IQSEC3: variants seen among roughly 807,000 people sequenced by gnomAD.
IQSEC3 encodes the protein IQ motif and Sec7 domain ArfGEF 3.
Under a neutral mutation model 105.4 loss-of-function variants are expected in IQSEC3, and 50 were observed. The observed-to-expected ratio is 0.47, with a 90% confidence interval of 0.38 to 0.60. The LOEUF (loss-of-function observed/expected upper bound fraction) is 0.60. Among genes scored for constraint, IQSEC3 ranks in the 20% least tolerant of loss-of-function variants. The probability of loss-of-function intolerance (pLI) is 0.00; values close to 1 mark genes in which losing one functional copy is unlikely to be tolerated. For synonymous variants in IQSEC3, 708 were observed against 746.0 expected (o/e 0.95, Z 0.83); for missense variants, 1,415 against 1,630.0 (o/e 0.87, Z 2.27).
chr12:156,450 G>T (rs1400644338), intron 5 of IQSEC3, among the ~76,000 whole-genome samples: 4 of 152,026 alleles, frequency 2.6e-5, no homozygotes, highest in African/African-American at 9.7e-5. Flanking sequence ...TCCCCTGAGG[G>T]CTGGGGCAGC....
chr12:119,811 T>C (rs1555081515), intron 2 of IQSEC3, among the ~76,000 whole-genome samples: 2 of 152,180 alleles, frequency 1.3e-5, no homozygotes, highest in Non-Finnish European at 2.9e-5. Context: ...AGGATGTGAC[T>C]TTGGGCCAGG....
At position 78,514 on chromosome 12, in the gene IQSEC3, A is replaced by AAT. The variant is rs1555069973; in HGVS notation, c.554+11079_554+11080insTA. The stretch of plus-strand genomic sequence containing the variant: ...ACCCAAGACACCTCAGCAAAAAAAA[A>AAT]AAATAAATTTAAAACTCCCAGCCTT... On this transcript the variant is annotated intron_variant, in intron 1 of 13. Coordinates refer to ENST00000538872, the MANE Select transcript of IQSEC3 (RefSeq NM_001170738.2). Among the ~76,000 whole-genome samples the AAT allele has an allele frequency of 7.2e-5, 11 of 151,760 alleles. 1 individual carries two copies. Among genetic ancestry groups the AAT allele is most frequent in the African/African-American group, 1.9e-4 (8 of 41,200 alleles).
chr12:157,492 G>GGGCCCCCC, intron 6 of IQSEC3, 36 bp from the exon 7 acceptor site: 1 of 1,389,412 alleles, frequency 7.2e-7, no homozygotes, highest in Non-Finnish European at 9.8e-7. Context: ...GGTGGGCGGG[G>GGGCCCCCC]GCTCAGCGTC....
At chr12:80,720 G>A (rs1049420212) in intron 1 of IQSEC3, among the ~76,000 whole-genome samples, 58 of 152,274 alleles carry the variant, frequency 3.8e-4, no homozygotes, top group African/African-American at 1.3e-3. Flanking sequence ...AACTTATAGT[G>A]CATCTGATGG....
At position 166,649 on chromosome 12, in the gene IQSEC3, GA is replaced by G. The variant is rs1427841403; in HGVS notation, c.2971+763del. ...AAGAACAGATTCAGAAACTGAAACA[GA>G]AAATGAAAATAGGCTTCAGGCCTGC... is the stretch of plus-strand genomic sequence containing the variant. On this transcript the variant is annotated intron_variant, in intron 11 of 13. Coordinates refer to ENST00000538872, the MANE Select transcript of IQSEC3 (RefSeq NM_001170738.2). Among the ~76,000 whole-genome samples, 3 of 152,326 alleles carry G rather than the reference GA, an allele frequency of 2.0e-5. No homozygotes were observed. In the East Asian group the frequency reaches 5.8e-4, roughly 29 times the overall value.
rs186224213 is a variant in IQSEC3 at position 139,173 on chromosome 12, A to G, written c.1810A>G (p.Thr604Ala). The G allele has an allele frequency of 6.8e-5, 108 of 1,581,228 alleles. No homozygotes were observed. The highest frequency in any genetic ancestry group is 9.0e-5 in the Non-Finnish European group (105 of 1,165,598). Residue 604 changes from threonine (T) to alanine (A), a missense_variant, in exon 4 of 14, where the codon ACC (threonine) becomes GCC (alanine). Physicochemically the swap from Thr to Ala is moderately conservative, Grantham distance 58. Around this residue, in one of 6 missense-constraint regions of IQSEC3, gnomAD observed 720 missense variants for 633.0 expected, o/e 1.14. Transcript: ENST00000538872. ...LEQLSSSSTSTKSAKSGSEAS... is the reference protein window; with the variant it reads ...LEQLSSSSTSAKSAKSGSEAS... ...GCAGCTGAGCAGCAGCAGCACGTCC[A>G]CCAAGTCCGCCAAGTCAGGCTCGGA...
At chr12:150,865 T>G (rs1346723927) in intron 5 of IQSEC3, among the ~76,000 whole-genome samples, 2 of 152,052 alleles carry the variant, frequency 1.3e-5, no homozygotes, top group Admixed American at 1.3e-4. Context: ...ACTTGGGTGC[T>G]CCTGAGGATG....
chr12:155,875 T>C (rs1866667534), intron 5 of IQSEC3, among the ~76,000 whole-genome samples: 1 of 151,848 alleles, frequency 6.6e-6, no homozygotes, highest in African/African-American at 2.4e-5. Flanking sequence ...GGTGAGTGGG[T>C]GTAGAGTGGG....
rs781844510 is a variant in IQSEC3 at position 67,322 on chromosome 12, C to T, written c.440C>T (p.Ala147Val). The T allele has an allele frequency of 1.3e-5, 20 of 1,598,300 alleles. No homozygotes were observed. In the African/African-American group the frequency reaches 2.7e-4, roughly 21 times the overall value. ...SPHKHLGTQG[A>V]VTDKEKERPP... ...CACAAGCATCTGGGGACACAAGGGG[C>T]CGTGACTGACAAGGAGAAGGAGCGT... The change falls in exon 1 of 14, where the codon GCC becomes GTC. Residue 147 changes from alanine (A) to valine (V), a missense_variant. By Grantham distance (64) the Ala-to-Val change is moderately conservative (BLOSUM62 0). Coordinates refer to ENST00000538872, the MANE Select transcript of IQSEC3 (RefSeq NM_001170738.2).
Position 165,825 on chromosome 12 carries a change from A to C in IQSEC3, c.2906A>C (p.Lys969Thr). Residue 969 changes from lysine (K) to threonine (T), a missense_variant, in exon 11 of 14, where the codon AAG becomes ACG. Coordinates refer to ENST00000538872, the MANE Select transcript of IQSEC3 (RefSeq NM_001170738.2). ...FCALGSDEMQ[K>T]FVEDLKESIA... Reference sequence around the variant, plus strand: ...GCCCTGGGCTCGGACGAGATGCAGAAGTTCGTGGAGGACCTGAAGGAGTCC... The same window carrying C: ...GCCCTGGGCTCGGACGAGATGCAGACGTTCGTGGAGGACCTGAAGGAGTCC... 1 of 1,614,098 alleles carries C rather than the reference A, an allele frequency of 6.2e-7. No individual in the cohort carries two copies. The highest frequency in any genetic ancestry group is 1.1e-5 in the South Asian group (1 of 91,084).
rs375782510 is a variant in IQSEC3, at chr12:99,105, C to G, written c.555-41C>G. The G allele has an allele frequency of 2.5e-6, 4 of 1,569,978 alleles. No individual in the cohort carries two copies. In the African/African-American group the frequency reaches 5.4e-5, roughly 21 times the overall value. Reference sequence around the variant, plus strand: ...AGTGTCAGGCAGGGCGGGGACCCAGCCTGCCTCAGGCGCTCTGATCTCCCT... The same window carrying G: ...AGTGTCAGGCAGGGCGGGGACCCAGGCTGCCTCAGGCGCTCTGATCTCCCT... On this transcript the variant is annotated intron_variant, in intron 1 of 13. Coordinates refer to ENST00000538872, the MANE Select transcript of IQSEC3 (RefSeq NM_001170738.2).
At chr12:123,219 A>G (rs1555082279) in intron 2 of IQSEC3, among the ~76,000 whole-genome samples, 2 of 152,200 alleles carry the variant, frequency 1.3e-5, no homozygotes, top group African/African-American at 2.4e-5. Context: ...AGACTGGGCA[A>G]CATAGTGGGA....
At chr12:149,455 G>C (rs1866417335) in intron 5 of IQSEC3, among the ~76,000 whole-genome samples, 1 of 152,148 alleles carries the variant, frequency 6.6e-6, no homozygotes, top group South Asian at 2.1e-4. Flanking sequence ...GAGTAATCCT[G>C]GGCCGTTGGG....
At chr12:154,223 G>T (rs1866606137) in intron 5 of IQSEC3, among the ~76,000 whole-genome samples, 1 of 152,246 alleles carries the variant, frequency 6.6e-6, no homozygotes, top group Non-Finnish European at 1.5e-5. Flanking sequence ...GCAGACTTGA[G>T]TGAGTGAACG....
At chr12:139,743 G>C (rs1865936978) in intron 4 of IQSEC3, 1 of 168,008 alleles carries the variant, frequency 6.0e-6, no homozygotes, top group African/African-American at 2.4e-5. Context: ...TGAAGCCAGG[G>C]AAAACGCATT....
chr12:139,193 C>A lies in IQSEC3; in HGVS notation c.1830C>A (p.Gly610=), dbSNP rs1452703603. The part of the protein sequence containing the change: ...SSTSTKSAKS[G]SEASASASKD... ...CGTCCACCAAGTCCGCCAAGTCAGG[C>A]TCGGAGGCGTCGGCCTCCGCCTCCA... Residue 610 remains glycine, a synonymous_variant, in exon 4 of 14, where the codon GGC becomes GGA. Coordinates refer to ENST00000538872, the MANE Select transcript of IQSEC3 (RefSeq NM_001170738.2). The A allele has an allele frequency of 2.3e-5, 36 of 1,588,594 alleles. No homozygotes were observed. Among genetic ancestry groups the A allele is most frequent in the Non-Finnish European group, 2.7e-5 (32 of 1,170,444 alleles).
Sources: gnomAD v4.1 joint callset for allele counts (sites outside exome capture counted in the v4.1 genomes callset) on GRCh38, gnomAD v4.1.1 for gene constraint, gnomAD v4.1.1 regional missense constraint, MANE v1.5 for transcripts, NCBI Gene and HGNC (gene_info 2026-07-23, HGNC 2026-07-21) for gene names.